SLC16A10: variants seen among roughly 807,000 people sequenced by gnomAD.
SLC16A10 encodes the protein solute carrier family 16 member 10.
A neutral mutation model predicts 40.0 loss-of-function variants in SLC16A10; 27 were observed. The ratio of observed to expected loss-of-function variants is 0.67; its 90% CI spans 0.50 to 0.93. The LOEUF is 0.93. Ranked by LOEUF, SLC16A10 falls within the 40% of genes least tolerant of loss-of-function variation. SLC16A10 has a pLI of 0.00. For missense variants in SLC16A10, 529 were observed against 658.2 expected (o/e 0.80, Z 2.15); for synonymous variants, 213 against 249.8 (o/e 0.85, Z 1.39).
In SLC16A10 at chr6:111,228,626, T is replaced by A. The variant is rs988798180; in HGVS notation, c.*6391T>A. 6.6e-6 allele frequency: 1 copy of A among 152,214 alleles called. No homozygotes were observed. The highest frequency in any genetic ancestry group is 2.4e-5 in the African/African-American group (1 of 41,460). The allele number at this position is 152,214 out of a possible 1,614,324, so 9.4% of individuals were successfully genotyped here. On this transcript the variant is annotated 3_prime_UTR_variant, in exon 6 of 6. Transcript: ENST00000368851. Reference sequence around the variant, plus strand: ...AGAAGAGTCAGTTTGTTAAATATTTTAAATGTGTAAACACAAAACCTTTCT... The same window carrying A: ...AGAAGAGTCAGTTTGTTAAATATTTAAAATGTGTAAACACAAAACCTTTCT...
chr6:111,166,535 G>A (rs2114534430), intron 1 of SLC16A10, among the ~76,000 whole-genome samples: 1 of 151,696 alleles, frequency 6.6e-6, no homozygotes, highest in East Asian at 1.9e-4. Flanking sequence ...GGTTATTACA[G>A]AGCATAGATA....
Position 111,221,984 on chromosome 6 carries a change from C to G in SLC16A10, c.1316-19C>G. On this transcript the variant is annotated intron_variant, in intron 5 of 5. Transcript: ENST00000368851. The stretch of plus-strand genomic sequence containing the variant: ...AGCCACACTTGTTCTCCCTTGGTGA[C>G]AGCTTTTTCCCTTCTCAGGGTTACT... 1.3e-5 allele frequency: 21 copies of G among 1,591,038 alleles called. No individual in the cohort carries two copies. Among genetic ancestry groups the G allele is most frequent in the Non-Finnish European group, 1.8e-5 (21 of 1,173,802 alleles).
rs987319921 is a variant in SLC16A10 at position 111,224,527 on chromosome 6, T to A, written c.*2292T>A. ...GTGTTTGTATATTAAACTTCACATATGTAGTTTTCAGTTTAATGGAATGAA... is the reference window on the plus strand; with the variant it reads ...GTGTTTGTATATTAAACTTCACATAAGTAGTTTTCAGTTTAATGGAATGAA... On this transcript the variant is annotated 3_prime_UTR_variant, in exon 6 of 6. Transcript: ENST00000368851. The A allele has an allele frequency of 3.3e-5, 5 of 152,234 alleles. No homozygotes were observed. The highest frequency in any genetic ancestry group is 3.3e-4 in the Admixed American group (5 of 15,276). The allele number at this position is 152,234 out of a possible 1,614,324, so 9.4% of individuals were successfully genotyped here.
At chr6:111,094,747 C>T (rs1300254826) in intron 1 of SLC16A10, among the ~76,000 whole-genome samples, 1 of 152,092 alleles carries the variant, frequency 6.6e-6, no homozygotes, top group African/African-American at 2.4e-5. Flanking sequence ...AAGCAATCCT[C>T]CTATCTCAGC....
intron 1 of SLC16A10, among the ~76,000 whole-genome samples, chr6:111,113,476 GTTGT>G (rs1771427894): frequency 6.6e-6 from 1 of 152,070 alleles, no homozygotes; most frequent in Non-Finnish European, 1.5e-5. Context: ...TTTTTTTGTT[GTTGT>G]TTGTTTGTTT....
Position 111,108,194 on chromosome 6 carries a change from A to G in SLC16A10, c.343+20099A>G, listed in dbSNP as rs376160292. Among the ~76,000 whole-genome samples, 12 of 151,882 alleles carry G rather than the reference A, an allele frequency of 7.9e-5. No individual in the cohort carries two copies. In the East Asian group the frequency reaches 1.4e-3, roughly 17 times the overall value. On this transcript the variant is annotated intron_variant, in intron 1 of 5. Transcript: ENST00000368851. ...TCCACCATGTCCAGCTATTTTTTGT[A>G]TTTTTAGTAGAGATGGGGTTTCACC...
intron 1 of SLC16A10, among the ~76,000 whole-genome samples, chr6:111,108,477 A>G (rs1378846996): frequency 1.3e-5 from 2 of 152,238 alleles, no homozygotes; most frequent in Non-Finnish European, 2.9e-5. Flanking sequence ...GAGATGGACT[A>G]ATGGCTGGTA....
chr6:111,184,175 TTC>T (rs1772853332), intron 3 of SLC16A10, among the ~76,000 whole-genome samples: 1 of 152,234 alleles, frequency 6.6e-6, no homozygotes, highest in African/African-American at 2.4e-5. Flanking sequence ...AGTACCTGTG[TTC>T]TTTGACTCTA....
chr6:111,164,274 A>G (rs2114531577), intron 1 of SLC16A10, among the ~76,000 whole-genome samples: 1 of 150,920 alleles, frequency 6.6e-6, no homozygotes, highest in Non-Finnish European at 1.5e-5. Context: ...CCTTGATGTA[A>G]ATCTGTTTTC....
In SLC16A10 at chr6:111,225,874, CT is replaced by C. The variant is rs768396566; in HGVS notation, c.*3642del. 1 of 152,014 alleles carries C rather than the reference CT, an allele frequency of 6.6e-6. No homozygotes were observed. The highest frequency in any genetic ancestry group is 1.5e-5 in the Non-Finnish European group (1 of 68,008). 9.4% of individuals were successfully genotyped at this position (152,014 alleles called of 1,614,324 possible). A position where few individuals can be genotyped will look rare whatever the true frequency, so the allele number is the denominator to read the frequency against. The stretch of plus-strand genomic sequence containing the variant: ...TTATCCTCATCATTTTTTCATTTCC[CT>C]TTACTTCCTCCTATCCTTCAAAAAC... On this transcript the variant is annotated 3_prime_UTR_variant, in exon 6 of 6. Transcript: ENST00000368851.
intron 4 of SLC16A10, 103 bp downstream of exon 4, chr6:111,206,838 T>C (rs12191266): frequency 0.13 from 181,738 of 1,427,164 alleles, 13,157 homozygotes; most frequent in Middle Eastern, 0.16. Context: ...TCTTTCCTTT[T>C]TCTTTTTGAG....
At chr6:111,090,622 T>C (rs1039105717) in intron 1 of SLC16A10, among the ~76,000 whole-genome samples, 4 of 152,100 alleles carry the variant, frequency 2.6e-5, no homozygotes, top group Admixed American at 2.6e-4. Flanking sequence ...CCTTTCTCTT[T>C]CCTTCAGTGC....
In SLC16A10 at chr6:111,156,143, G is replaced by A. The variant is rs142396788; in HGVS notation, c.344-16552G>A. 1.4e-3 allele frequency among the ~76,000 whole-genome samples: 215 copies of A among 152,234 alleles called. 1 individual carries two copies. The highest frequency in any genetic ancestry group is 4.8e-3 in the African/African-American group (200 of 41,520). On this transcript the variant is annotated intron_variant, in intron 1 of 5. Coordinates refer to ENST00000368851, the MANE Select transcript of SLC16A10 (RefSeq NM_018593.5). ...ATCAGAGTATAAAATAAATATCTAC[G>A]AGTCCATAATGATATAAACAAGTGA...
chr6:111,213,628 G>A lies in SLC16A10; in HGVS notation c.1087-5186G>A, dbSNP rs186656020. ...TCCCAGCCTAAGTAAATGATCAGAG[G>A]CTCCGTACTCAGTCTCATCTAGACT... On this transcript the variant is annotated intron_variant, in intron 4 of 5. Transcript: ENST00000368851. Among the ~76,000 whole-genome samples the A allele has an allele frequency of 6.2e-4, 95 of 152,270 alleles. 2 individuals are homozygous for A. The highest frequency in any genetic ancestry group is 1.2e-3 in the South Asian group (6 of 4,830).
At chr6:111,113,614 T>TTG (rs1337102355) in intron 1 of SLC16A10, among the ~76,000 whole-genome samples, 1 of 152,114 alleles carries the variant, frequency 6.6e-6, no homozygotes, top group African/African-American at 2.4e-5. Flanking sequence ...ATTGTGGGGA[T>TTG]TGTGTGTGTG....
chr6:111,185,186 G>T (rs1487991700), intron 3 of SLC16A10, among the ~76,000 whole-genome samples: 1 of 152,238 alleles, frequency 6.6e-6, no homozygotes, highest in Non-Finnish European at 1.5e-5. Flanking sequence ...ATTCTGCAAA[G>T]CTGTGCTTGT....
At chr6:111,185,605 G>T (rs1322320581) in intron 3 of SLC16A10, among the ~76,000 whole-genome samples, 2 of 152,156 alleles carry the variant, frequency 1.3e-5, no homozygotes, top group Non-Finnish European at 2.9e-5. Flanking sequence ...TTCACAACCT[G>T]TGACAAGCAG....
intron 3 of SLC16A10, among the ~76,000 whole-genome samples, chr6:111,188,142 A>G (rs959852842): frequency 2.0e-5 from 3 of 152,164 alleles, no homozygotes; most frequent in Non-Finnish European, 2.9e-5. Flanking sequence ...GAGTTGCCCT[A>G]TCTCAGTCAG....
intron 1 of SLC16A10, among the ~76,000 whole-genome samples, chr6:111,129,538 T>A (rs1381019501): frequency 6.6e-6 from 1 of 152,246 alleles, no homozygotes; most frequent in Admixed American, 6.5e-5. Flanking sequence ...TCTTGACAAA[T>A]GCTATTTTAG....
Sources: allele counts gnomAD v4.1 joint callset (sites outside exome capture counted in the v4.1 genomes callset), GRCh38; gene constraint gnomAD v4.1.1; transcripts MANE v1.5; gene names NCBI Gene and HGNC (gene_info 2026-07-23, HGNC 2026-07-21).